Variants in NDUFB6 observed in about 807,000 individuals in gnomAD.
NDUFB6 encodes NADH dehydrogenase [ubiquinone] 1 beta subcomplex subunit 6.
In NDUFB6, 23 loss-of-function variants were observed where a neutral mutation model predicts 17.5. That is an observed-to-expected ratio of 1.31 (90% CI 0.94 to 1.86). The LOEUF is 1.86. NDUFB6 is among the 40% of genes most tolerant of loss of function. NDUFB6 has a pLI of 0.00. For missense variants in NDUFB6, 167 were observed against 153.8 expected (o/e 1.09, Z -0.46); for synonymous variants, 60 against 53.5 (o/e 1.12, Z -0.53).
chr9:32,572,402 G>A (rs1347895440), intron 1 of NDUFB6, among the ~76,000 whole-genome samples: 1 of 152,128 alleles, frequency 6.6e-6, no homozygotes, highest in East Asian at 1.9e-4. Flanking sequence ...ATACCAACAG[G>A]ACCCTGTCTT....
At chr9:32,567,632 T>C (rs755418076) in intron 2 of NDUFB6, 4 of 365,582 alleles carry the variant, frequency 1.1e-5, no homozygotes, top group Non-Finnish European at 2.3e-5. Flanking sequence ...GCCTCAAACT[T>C]TGTCACTATT....
intron 2 of NDUFB6, among the ~76,000 whole-genome samples, chr9:32,561,191 T>C (rs1821614948): frequency 6.6e-6 from 1 of 152,214 alleles, no homozygotes; most frequent in South Asian, 2.1e-4. Flanking sequence ...TGGTTTGTAA[T>C]GTGAAAATCC....
intron 2 of NDUFB6, among the ~76,000 whole-genome samples, chr9:32,560,527 T>G (rs1821596623): frequency 6.6e-6 from 1 of 152,246 alleles, no homozygotes; most frequent in African/African-American, 2.4e-5. Context: ...GATCAGAGTT[T>G]GTAATGTGTA....
intron 1 of NDUFB6, 86 bp downstream of exon 1, chr9:32,572,795 G>A (rs939292061): frequency 7.1e-6 from 9 of 1,271,538 alleles, no homozygotes; most frequent in Non-Finnish European, 8.6e-6. Context: ...AGTCCTTGGT[G>A]TGGCTGCAGG....
intron 2 of NDUFB6, among the ~76,000 whole-genome samples, chr9:32,559,677 T>C (rs570524717): frequency 6.6e-6 from 1 of 152,312 alleles, no homozygotes; most frequent in South Asian, 2.1e-4. Context: ...TCTTCAAAGA[T>C]CACTTCCTCA....
chr9:32,553,009 C>T lies in NDUFB6; in HGVS notation c.*867G>A. The T allele has an allele frequency of 1.7e-6, 1 of 593,082 alleles. No individual in the cohort carries two copies. The highest frequency in any genetic ancestry group is 3.0e-6 in the Non-Finnish European group (1 of 333,488). The allele number at this position is 593,082 out of a possible 1,614,324, so 36.7% of individuals were successfully genotyped here. A position where few individuals can be genotyped will look rare whatever the true frequency, so the allele number is the denominator to read the frequency against. On this transcript the variant is annotated 3_prime_UTR_variant, in exon 4 of 4. Transcript: ENST00000379847. Reference sequence around the variant, plus strand: ...AAATAAAATTCATAATGCAAAGTTCCCAAGTTTATTTTTGCATTATCCTTT... The same window carrying T: ...AAATAAAATTCATAATGCAAAGTTCTCAAGTTTATTTTTGCATTATCCTTT...
At chr9:32,567,404 C>A (rs1271692654) in intron 2 of NDUFB6, 4 of 462,286 alleles carry the variant, frequency 8.7e-6, no homozygotes, top group Non-Finnish European at 1.8e-5. Flanking sequence ...TCTTGGCTCA[C>A]TGCAACCTCC....
intron 2 of NDUFB6, chr9:32,566,932 G>C (rs1437142477): frequency 1.9e-6 from 1 of 531,810 alleles, no homozygotes; most frequent in Non-Finnish European, 3.6e-6. Context: ...GCCCTGCCAG[G>C]CCTGGCGTGA....
chr9:32,564,596 G>A lies in NDUFB6; in HGVS notation c.274-5642C>T, dbSNP rs556214391. Among the ~76,000 whole-genome samples, 53 of 152,160 alleles carry A rather than the reference G, an allele frequency of 3.5e-4. 2 individuals are homozygous for A. The highest frequency in any genetic ancestry group is 1.2e-3 in the African/African-American group (50 of 41,514). On this transcript the variant is annotated intron_variant, in intron 2 of 3. Transcript: ENST00000379847. Reference sequence around the variant, plus strand: ...CAAGTATCATAAAATACATGATTTAGAAAATGAGTCCTCTGTAATCCAGTC... The same window carrying A: ...CAAGTATCATAAAATACATGATTTAAAAAATGAGTCCTCTGTAATCCAGTC...
intron 2 of NDUFB6, among the ~76,000 whole-genome samples, chr9:32,560,016 C>T (rs1347698264): frequency 6.6e-6 from 1 of 152,174 alleles, no homozygotes; most frequent in Admixed American, 6.5e-5. Flanking sequence ...GCATAGAGAA[C>T]TGGAACATGA....
At chr9:32,565,109 A>G (rs990992192) in intron 2 of NDUFB6, among the ~76,000 whole-genome samples, 3 of 152,144 alleles carry the variant, frequency 2.0e-5, no homozygotes, top group African/African-American at 7.2e-5. Context: ...CCTGGCCAAC[A>G]TGGCAAAACC....
intron 2 of NDUFB6, among the ~76,000 whole-genome samples, chr9:32,560,006 G>C (rs80294852): frequency 6.6e-6 from 1 of 152,294 alleles, no homozygotes; most frequent in African/African-American, 2.4e-5. Context: ...ATGATATGAG[G>C]CATAGAGAAC....
chr9:32,566,739 C>A, intron 2 of NDUFB6: 1 of 922,392 alleles, frequency 1.1e-6, no homozygotes, highest in Non-Finnish European at 1.8e-6. Flanking sequence ...GCCTTCAAAC[C>A]ACAGCGGGTC....
At chr9:32,569,845 T>C (rs1821900171) in intron 2 of NDUFB6, among the ~76,000 whole-genome samples, 1 of 106,752 alleles carries the variant, frequency 9.4e-6, no homozygotes, top group Non-Finnish European at 2.0e-5. Flanking sequence ...AATTAAAGCA[T>C]ATACATCGTT....
chr9:32,563,954 C>T (rs1003183584), intron 2 of NDUFB6, among the ~76,000 whole-genome samples: 1 of 152,174 alleles, frequency 6.6e-6, no homozygotes, highest in Admixed American at 6.5e-5. Flanking sequence ...ATGTTCCAAG[C>T]TCATCTTATA....
intron 3 of NDUFB6, among the ~76,000 whole-genome samples, chr9:32,556,025 C>A (rs1821445876): frequency 6.6e-6 from 1 of 152,152 alleles, no homozygotes; most frequent in South Asian, 2.1e-4. Flanking sequence ...ATCCTCAGAT[C>A]AACAGAAGTC....
Position 32,553,104 on chromosome 9 carries a change from A to G in NDUFB6, c.*772T>C, listed in dbSNP as rs1342019654. 1 of 506,228 alleles carries G rather than the reference A, an allele frequency of 2.0e-6. No individual in the cohort carries two copies. The highest frequency in any genetic ancestry group is 2.0e-5 in the African/African-American group (1 of 50,670). The allele number at this position is 506,228 out of a possible 1,614,324, so 31.4% of individuals were successfully genotyped here. A position where few individuals can be genotyped will look rare whatever the true frequency, so the allele number is the denominator to read the frequency against. Reference sequence around the variant, plus strand: ...ATTTTACATTCTCATGACAAAATTAACAGCAACCTAAATCTGACAGTCTTG... The same window carrying G: ...ATTTTACATTCTCATGACAAAATTAGCAGCAACCTAAATCTGACAGTCTTG... On this transcript the variant is annotated 3_prime_UTR_variant, in exon 4 of 4. Transcript: ENST00000379847.
At position 32,557,257 on chromosome 9, in the gene NDUFB6, C is replaced by T. The variant is rs145726353; in HGVS notation, c.318+1653G>A. ...TCCGCACACTGCAACTTCTGCCTTC[C>T]AGGTTCAAGCAATTCTTGTGCCTCA... On this transcript the variant is annotated intron_variant, in intron 3 of 3. Coordinates refer to ENST00000379847, the MANE Select transcript of NDUFB6 (RefSeq NM_002493.5). 1.9e-4 allele frequency among the ~76,000 whole-genome samples: 28 copies of T among 150,806 alleles called. No homozygotes were observed. In the East Asian group the frequency reaches 4.9e-3, roughly 26 times the overall value.
chr9:32,553,281 T>C lies in NDUFB6; in HGVS notation c.*595A>G, dbSNP rs527785392. The C allele has an allele frequency of 1.1e-5, 2 of 189,588 alleles. No individual in the cohort carries two copies. Among genetic ancestry groups the C allele is most frequent in the East Asian group, 1.6e-4 (1 of 6,186 alleles). The allele number at this position is 189,588 out of a possible 1,614,324, so 11.7% of individuals were successfully genotyped here. On this transcript the variant is annotated 3_prime_UTR_variant, in exon 4 of 4. Coordinates refer to ENST00000379847, the MANE Select transcript of NDUFB6 (RefSeq NM_002493.5). ...TCGGCTTACTGCAAGCTCCGCCTTCTGGGTTCACACCAATCTCGTGCCTCA... is the reference window on the plus strand; with the variant it reads ...TCGGCTTACTGCAAGCTCCGCCTTCCGGGTTCACACCAATCTCGTGCCTCA...
Sources: allele counts gnomAD v4.1 joint callset (sites outside exome capture counted in the v4.1 genomes callset), GRCh38; gene constraint gnomAD v4.1.1; transcripts MANE v1.5; gene names NCBI Gene and HGNC (gene_info 2026-07-23, HGNC 2026-07-21).